Variants in MSI2 observed in about 807,000 individuals in gnomAD.
The protein encoded by MSI2 is musashi RNA binding protein 2, also known as RNA-binding protein Musashi homolog 2.
Under a neutral mutation model 45.6 loss-of-function variants are expected in MSI2, and 17 were observed. That is an observed-to-expected ratio of 0.37 (90% CI 0.26 to 0.56). The LOEUF is 0.56. Ranked by LOEUF, MSI2 falls within the 20% of genes least tolerant of loss-of-function variation. The pLI, the probability that MSI2 is intolerant of heterozygous loss-of-function variation, is 0.77. For missense variants in MSI2, 293 were observed against 444.2 expected (o/e 0.66, Z 3.06); for synonymous variants, 156 against 158.2 (o/e 0.99, Z 0.11).
chr17:57,285,367 G>A (rs1375544085), intron 5 of MSI2, among the ~76,000 whole-genome samples: 2 of 152,180 alleles, frequency 1.3e-5, no homozygotes, highest in Non-Finnish European at 2.9e-5. Context: ...ACCAAACCAA[G>A]GAACAAATAA....
chr17:57,283,242 C>T (rs1276753404), intron 5 of MSI2, among the ~76,000 whole-genome samples: 2 of 152,098 alleles, frequency 1.3e-5, no homozygotes, highest in Admixed American at 6.5e-5. Flanking sequence ...CGGAATCTGG[C>T]CCGTAAAGTC....
intron 5 of MSI2, among the ~76,000 whole-genome samples, chr17:57,307,905 C>T (rs553036635): frequency 2.0e-5 from 3 of 152,366 alleles, no homozygotes; most frequent in East Asian, 1.9e-4. Context: ...TTTTCTCTCT[C>T]TTGGACCATA....
At chr17:57,607,875 A>C (rs1906801643) in intron 8 of MSI2, among the ~76,000 whole-genome samples, 1 of 152,118 alleles carries the variant, frequency 6.6e-6, no homozygotes, top group African/African-American at 2.4e-5. Context: ...GGGAGGTGCC[A>C]CACATTTTTA....
chr17:57,557,446 G>A (rs1391738074), intron 7 of MSI2, among the ~76,000 whole-genome samples: 5 of 152,222 alleles, frequency 3.3e-5, no homozygotes, highest in East Asian at 1.9e-4. Flanking sequence ...AGACTCTCAT[G>A]CATAACAAGT....
intron 10 of MSI2, among the ~76,000 whole-genome samples, chr17:57,650,034 G>C (rs1267453866): frequency 6.6e-6 from 1 of 152,198 alleles, no homozygotes; most frequent in African/African-American, 2.4e-5. Context: ...AGCAGTGTCT[G>C]ATGCTCCACC....
chr17:57,587,612 A>G (rs1567918904), intron 7 of MSI2, among the ~76,000 whole-genome samples: 1 of 147,718 alleles, frequency 6.8e-6, no homozygotes, highest in Non-Finnish European at 1.5e-5. Flanking sequence ...TGGCTCACTA[A>G]GTCGCTTTCC....
At chr17:57,608,973 A>G (rs1906954411) in intron 8 of MSI2, among the ~76,000 whole-genome samples, 1 of 152,178 alleles carries the variant, frequency 6.6e-6, no homozygotes, top group African/African-American at 2.4e-5. Context: ...TGGATGGCAA[A>G]GGAGGGCTGT....
chr17:57,291,852 A>C (rs1910449090), intron 5 of MSI2, among the ~76,000 whole-genome samples: 1 of 152,024 alleles, frequency 6.6e-6, no homozygotes, highest in Non-Finnish European at 1.5e-5. Flanking sequence ...GTCTACAGCC[A>C]TACCACCCTG....
intron 3 of MSI2, 139 bp downstream of exon 3, chr17:57,257,686 A>C: frequency 1.7e-6 from 1 of 590,646 alleles, no homozygotes. Context: ...GCTCTATACC[A>C]CCCCCACCGC....
chr17:57,499,917 C>T (rs1418797449), intron 6 of MSI2, among the ~76,000 whole-genome samples: 1 of 152,134 alleles, frequency 6.6e-6, no homozygotes, highest in African/African-American at 2.4e-5. Context: ...CAAATGTTTC[C>T]ACAGACAAGG....
rs1170218939 is a variant in MSI2 at position 57,575,575 on chromosome 17, A to C, written c.455-21293A>C. Among the ~76,000 whole-genome samples the C allele has an allele frequency of 6.6e-5, 10 of 151,850 alleles. 1 individual carries two copies. In the South Asian group the frequency reaches 2.1e-3, roughly 32 times the overall value. ...GACTTCCTTTCTGCTCTTTCTTCTC[A>C]CTGTCCTCTTACTCCCCTGCACCTC... On this transcript the variant is annotated intron_variant, in intron 7 of 13. Coordinates refer to ENST00000284073, the MANE Select transcript of MSI2 (RefSeq NM_138962.4).
At chr17:57,406,256 G>T (rs967203781) in intron 6 of MSI2, among the ~76,000 whole-genome samples, 4 of 151,968 alleles carry the variant, frequency 2.6e-5, no homozygotes, top group African/African-American at 9.7e-5. Flanking sequence ...GCGACGAGGC[G>T]GCCTGTTCTG....
At chr17:57,700,464 G>A in the MSI2 span, among the ~76,000 whole-genome samples, 2 of 152,162 alleles carry the variant, frequency 1.3e-5, no homozygotes, top group African/African-American at 2.4e-5. Flanking sequence ...ATTAGGTGAC[G>A]GAAATGGCAG....
At chr17:57,305,596 T>C (rs886605330) in intron 5 of MSI2, among the ~76,000 whole-genome samples, 11 of 152,296 alleles carry the variant, frequency 7.2e-5, no homozygotes, top group African/African-American at 2.4e-4. Flanking sequence ...GCGTTTGATA[T>C]CGGGCAGTTC....
chr17:57,398,026 T>G (rs1002921311), intron 5 of MSI2, among the ~76,000 whole-genome samples: 4 of 152,158 alleles, frequency 2.6e-5, no homozygotes, highest in African/African-American at 9.7e-5. Context: ...AAAGGCCTTT[T>G]GGGGACTGTG....
intron 4 of MSI2, chr17:57,259,921 G>GT (rs1397566907): frequency 6.6e-6 from 1 of 152,172 alleles, no homozygotes; most frequent in Non-Finnish European, 1.5e-5. Context: ...TTATAGACAT[G>GT]TTTTGGTCAC....
chr17:57,627,081 C>A lies in MSI2; in HGVS notation c.653-148C>A. Reference sequence around the variant, plus strand: ...GGCCACAGGAGAGAGGTGACCCAGACCCTTAATAAAAAAACCCTCATGAGA... The same window carrying A: ...GGCCACAGGAGAGAGGTGACCCAGAACCTTAATAAAAAAACCCTCATGAGA... On this transcript the variant is annotated intron_variant, in intron 9 of 13. Coordinates refer to ENST00000284073, the MANE Select transcript of MSI2 (RefSeq NM_138962.4). This position sits in a 1 kb window ranked among gnomAD's most constrained non-coding sequence, Gnocchi z 4.6. 4.1e-6 allele frequency: 3 copies of A among 725,730 alleles called. No homozygotes were observed. The highest frequency in any genetic ancestry group is 4.8e-6 in the Non-Finnish European group (2 of 415,862). The allele number at this position is 725,730 out of a possible 1,614,324, so 45.0% of individuals were successfully genotyped here. A position where few individuals can be genotyped will look rare whatever the true frequency, so the allele number is the denominator to read the frequency against.
intron 5 of MSI2, among the ~76,000 whole-genome samples, chr17:57,303,630 T>C (rs1223579471): frequency 2.0e-5 from 3 of 152,218 alleles, no homozygotes; most frequent in Non-Finnish European, 2.9e-5. Context: ...TTTACTCAAA[T>C]AATCCTGGCC....
chr17:57,491,050 C>T (rs1215171037), intron 6 of MSI2, among the ~76,000 whole-genome samples: 1 of 152,214 alleles, frequency 6.6e-6, no homozygotes, highest in Non-Finnish European at 1.5e-5. Flanking sequence ...TGTCACACTG[C>T]CCCTCGTGGG....
Sources: gnomAD v4.1 joint callset for allele counts (sites outside exome capture counted in the v4.1 genomes callset) on GRCh38, gnomAD v4.1.1 for gene constraint, Gnocchi (gnomAD v3.1) non-coding constraint, MANE v1.5 for transcripts, NCBI Gene and HGNC (gene_info 2026-07-23, HGNC 2026-07-21) for gene names.